The following CTNNA2 variants were observed in gnomAD, a reference collection of about 807,000 sequenced individuals.
The protein encoded by CTNNA2 is catenin alpha 2, also known as catenin alpha-2.
A neutral mutation model predicts 101.0 loss-of-function variants in CTNNA2; 42 were observed. That is an observed-to-expected ratio of 0.42 (90% CI 0.32 to 0.54). The LOEUF (loss-of-function observed/expected upper bound fraction) is 0.54. CTNNA2 is among the 20% of genes least tolerant of loss of function. The probability of loss-of-function intolerance (pLI) is 0.14; values close to 1 mark genes in which losing one functional copy is unlikely to be tolerated. For synonymous variants in CTNNA2, 450 were observed against 456.4 expected, an observed-to-expected ratio of 0.99 and a Z score of 0.18; for missense variants, 871 against 1,223.1, an observed-to-expected ratio of 0.71 and a Z score of 4.29.
At chr2:80,304,025 A>G in intron 7 of CTNNA2, 2 of 506,176 alleles carry the variant, frequency 4.0e-6, no homozygotes, top group Non-Finnish European at 6.7e-6. Context: ...TGGGCAGCAT[A>G]GAAAGTTCAC....
chr2:79,870,846 C>T (rs888214724), intron 5 of CTNNA2, among the ~76,000 whole-genome samples: 14 of 152,090 alleles, frequency 9.2e-5, no homozygotes, highest in African/African-American at 2.9e-4. Context: ...GATCCAGTCA[C>T]CTCCCTTCCT....
intron 9 of CTNNA2, among the ~76,000 whole-genome samples, chr2:80,440,459 T>C (rs1229166981): frequency 1.3e-5 from 2 of 152,228 alleles, no homozygotes; most frequent in Non-Finnish European, 2.9e-5. Flanking sequence ...TCTGCTGAGT[T>C]CTTGGCTATC....
chr2:79,203,636 T>C (rs1017666824), intron 2 of CTNNA2, among the ~76,000 whole-genome samples: 2 of 152,330 alleles, frequency 1.3e-5, no homozygotes, highest in African/African-American at 2.4e-5. Context: ...TTAAATCAAA[T>C]GCAAAAATGT....
chr2:80,215,698 A>G (rs935048836), intron 7 of CTNNA2, among the ~76,000 whole-genome samples: 1 of 152,102 alleles, frequency 6.6e-6, no homozygotes, highest in Admixed American at 6.5e-5. Flanking sequence ...CAATTTGGCT[A>G]CTCAAGGGTC....
chr2:79,766,351 A>C (rs754796017), intron 3 of CTNNA2, among the ~76,000 whole-genome samples: 2 of 152,228 alleles, frequency 1.3e-5, no homozygotes, highest in Non-Finnish European at 2.9e-5. Flanking sequence ...ATGCCATGCC[A>C]GTCTCTCCTG....
rs761253960 is a variant in CTNNA2 at position 80,060,536 on chromosome 2, G to A, written c.1056+150739G>A. On this transcript the variant is annotated intron_variant, in intron 7 of 18. Coordinates refer to ENST00000402739, the MANE Select transcript of CTNNA2 (RefSeq NM_001282597.3). ...AAGACCCCATGACCTGGCTCCTCGC[G>A]TGCCTACCTCTCCCCAGCATCTCTT... 7.3e-4 allele frequency among the ~76,000 whole-genome samples: 111 copies of A among 152,264 alleles called. 1 individual carries two copies. The highest frequency in any genetic ancestry group is 1.7e-4 in the African/African-American group (7 of 41,560).
intron 3 of CTNNA2, among the ~76,000 whole-genome samples, chr2:79,349,542 A>G (rs1429846711): frequency 1.3e-5 from 2 of 152,258 alleles, no homozygotes; most frequent in African/African-American, 2.4e-5. Context: ...AGCTGGTTGA[A>G]GATCCAGCCA....
chr2:80,557,856 T>A (rs1647868805), intron 12 of CTNNA2, among the ~76,000 whole-genome samples: 2 of 152,182 alleles, frequency 1.3e-5, no homozygotes, highest in Admixed American at 6.5e-5. Flanking sequence ...TTTTCTACTT[T>A]TAAAAAAACA....
intron 2 of CTNNA2, among the ~76,000 whole-genome samples, chr2:79,723,084 G>A (rs1024004582): frequency 1.3e-5 from 2 of 152,050 alleles, no homozygotes; most frequent in African/African-American, 4.8e-5. Context: ...ATTTTTTTAA[G>A]TTTTGCTTTA....
chr2:79,908,468 C>G (rs1685568986), intron 6 of CTNNA2, among the ~76,000 whole-genome samples: 1 of 152,124 alleles, frequency 6.6e-6, no homozygotes. Flanking sequence ...ACACCATTTC[C>G]TGCAGCAGGT....
At position 79,333,070 on chromosome 2, in the gene CTNNA2, C is replaced by T. The variant is rs530122671; in HGVS notation, c.-318+20274C>T. The stretch of plus-strand genomic sequence containing the variant: ...ATAACTATCAGAATTTTGAAAGAAA[C>T]GCAACAGACAAATTTTAAAAATCAA... On this transcript the variant is annotated intron_variant, in intron 3 of 21. Coordinates refer to the CTNNA2 transcript ENST00000466387. 1.4e-4 allele frequency among the ~76,000 whole-genome samples: 22 copies of T among 152,216 alleles called. No homozygotes were observed. In the South Asian group the frequency reaches 1.9e-3, roughly 13 times the overall value.
chr2:80,088,593 T>C lies in CTNNA2; in HGVS notation c.1056+178796T>C, dbSNP rs866388762. 9.8e-4 allele frequency among the ~76,000 whole-genome samples: 149 copies of C among 152,122 alleles called. 1 individual carries two copies. The highest frequency in any genetic ancestry group is 1.7e-3 in the Non-Finnish European group (115 of 68,000). Reference sequence around the variant, plus strand: ...TAAATATAATATACTTTCTGTTGTTTGTTTCTTCTTTAAAAAAATATTTGC... The same window carrying C: ...TAAATATAATATACTTTCTGTTGTTCGTTTCTTCTTTAAAAAAATATTTGC... On this transcript the variant is annotated intron_variant, in intron 7 of 18. Transcript: ENST00000402739.
chr2:79,826,061 A>G (rs570867817), intron 3 of CTNNA2, among the ~76,000 whole-genome samples: 3 of 152,252 alleles, frequency 2.0e-5, no homozygotes, highest in Non-Finnish European at 4.4e-5. Context: ...AGTACCTTAC[A>G]AAATATATCC....
intron 1 of CTNNA2, among the ~76,000 whole-genome samples, chr2:79,643,282 T>C (rs1226306857): frequency 6.6e-6 from 1 of 152,184 alleles, no homozygotes; most frequent in East Asian, 1.9e-4. Context: ...TAAAGAGGTA[T>C]TGTTCTTACT....
Position 80,364,584 on chromosome 2 carries a change from T to A in CTNNA2, c.1057-28627T>A, listed in dbSNP as rs535328257. Among the ~76,000 whole-genome samples the A allele has an allele frequency of 1.3e-4, 18 of 143,872 alleles. No homozygotes were observed. In the South Asian group the frequency reaches 1.4e-3, roughly 11 times the overall value. The allele number at this position is 143,872 out of a possible 152,430, so 94.4% of individuals were successfully genotyped here. A position where few individuals can be genotyped will look rare whatever the true frequency, so the allele number is the denominator to read the frequency against. On this transcript the variant is annotated intron_variant, in intron 7 of 18. Coordinates refer to ENST00000402739, the MANE Select transcript of CTNNA2 (RefSeq NM_001282597.3). ...TTTTTTTTTTTTTTTTTTCTGATGG[T>A]TCCTCACTTGTCAGTGGCTCCTAAT...
intron 1 of CTNNA2, among the ~76,000 whole-genome samples, chr2:79,582,077 A>T (rs962995488): frequency 1.3e-5 from 2 of 152,262 alleles, no homozygotes; most frequent in Admixed American, 6.5e-5. Context: ...GGACTAGTTA[A>T]GAATGTGAGC....
intron 7 of CTNNA2, among the ~76,000 whole-genome samples, chr2:80,169,726 C>T (rs370418239): frequency 2.0e-5 from 3 of 152,228 alleles, no homozygotes; most frequent in East Asian, 1.9e-4. Flanking sequence ...TCACTAGCTC[C>T]GTGTCATTTT....
chr2:79,720,681 T>C (rs1007245568), intron 2 of CTNNA2, among the ~76,000 whole-genome samples: 1 of 152,106 alleles, frequency 6.6e-6, no homozygotes, highest in Non-Finnish European at 1.5e-5. Context: ...TGATTTGACT[T>C]TCAGCATGGA....
chr2:79,372,682 C>CT (rs1677899378), intron 3 of CTNNA2, among the ~76,000 whole-genome samples: 1 of 152,130 alleles, frequency 6.6e-6, no homozygotes, highest in African/African-American at 2.4e-5. Context: ...TCCCTTGAAT[C>CT]AATACCTCCC....
Sources: gnomAD v4.1 joint callset for allele counts (sites outside exome capture counted in the v4.1 genomes callset) on GRCh38, gnomAD v4.1.1 for gene constraint, MANE v1.5 for transcripts, NCBI Gene and HGNC (gene_info 2026-07-23, HGNC 2026-07-21) for gene names.